The following MTUS2 variants were observed in gnomAD, a reference collection of about 807,000 sequenced individuals.
MTUS2 encodes microtubule-associated tumor suppressor candidate 2.
Under a neutral mutation model 114.1 loss-of-function variants are expected in MTUS2, and 40 were observed. That is an observed-to-expected ratio of 0.35 (90% CI 0.27 to 0.46). The LOEUF is 0.46. MTUS2 is among the 20% of genes least tolerant of loss of function. MTUS2 has a pLI of 1.00. For missense variants in MTUS2, 1,679 were observed against 1,705.4 expected, an observed-to-expected ratio of 0.98 and a Z score of 0.27; for synonymous variants, 688 against 672.0, an observed-to-expected ratio of 1.02 and a Z score of -0.37.
chr13:29,214,472 G>C (rs1381391842), intron 5 of MTUS2, among the ~76,000 whole-genome samples: 1 of 152,090 alleles, frequency 6.6e-6, no homozygotes, highest in Non-Finnish European at 1.5e-5. Flanking sequence ...TTTACATTTT[G>C]GTATATTTTT....
At chr13:29,302,790 C>T (rs1162202801) in intron 6 of MTUS2, among the ~76,000 whole-genome samples, 1 of 152,242 alleles carries the variant, frequency 6.6e-6, no homozygotes, top group South Asian at 2.1e-4. Flanking sequence ...CACACTTGCT[C>T]TACCAGACAG....
rs1359994013 is a variant in MTUS2 at position 29,376,206 on chromosome 13, T to A, written c.3117+16733T>A. Among the ~76,000 whole-genome samples, 6 of 152,140 alleles carry A rather than the reference T, an allele frequency of 3.9e-5. No individual in the cohort carries two copies. In the East Asian group the frequency reaches 7.7e-4, roughly 20 times the overall value. On this transcript the variant is annotated intron_variant, in intron 8 of 15. Transcript: ENST00000612955. ...TGAGTTCTTTAAAGTATATTCAAGG[T>A]TAAAAGCCAAAATTATAACATTGTC...
chr13:29,137,199 G>A (rs2138984375), intron 5 of MTUS2, among the ~76,000 whole-genome samples: 1 of 152,180 alleles, frequency 6.6e-6, no homozygotes, highest in South Asian at 2.1e-4. Flanking sequence ...GGCCTCCAAT[G>A]TTTCTGATGT....
At chr13:29,441,718 C>T (rs565093294) in intron 9 of MTUS2, among the ~76,000 whole-genome samples, 5 of 152,260 alleles carry the variant, frequency 3.3e-5, no homozygotes, top group African/African-American at 1.2e-4. Flanking sequence ...CCACCCTTCA[C>T]CCGTGGAGCC....
At position 29,237,017 on chromosome 13, in the gene MTUS2, A is replaced by T. The variant is rs570291111; in HGVS notation, c.2645-44687A>T. Among the ~76,000 whole-genome samples, 3 of 152,252 alleles carry T rather than the reference A, an allele frequency of 2.0e-5. No individual in the cohort carries two copies. The South Asian group carries it at 6.2e-4, about 32-fold the overall frequency. ...CTGTTTTCATCTGTACCCATTAAAT[A>T]TTTGTTATTTTCTGCAGTTGTGGTT... On this transcript the variant is annotated intron_variant, in intron 5 of 15. Transcript: ENST00000612955.
At chr13:29,277,681 G>A (rs1171643487) in intron 5 of MTUS2, among the ~76,000 whole-genome samples, 1 of 152,146 alleles carries the variant, frequency 6.6e-6, no homozygotes, top group Non-Finnish European at 1.5e-5. Context: ...ACATTTCCCA[G>A]CCTCCCTTGA....
At chr13:29,171,995 T>C (rs1893582044) in intron 5 of MTUS2, among the ~76,000 whole-genome samples, 1 of 152,240 alleles carries the variant, frequency 6.6e-6, no homozygotes. Flanking sequence ...GTCCTGTTTC[T>C]TCCAGGTGGC....
chr13:29,289,984 C>T (rs1898640220), intron 6 of MTUS2, among the ~76,000 whole-genome samples: 1 of 152,128 alleles, frequency 6.6e-6, no homozygotes, highest in South Asian at 2.1e-4. Flanking sequence ...ATTTCTTTTT[C>T]CCCTGAATTT....
At chr13:29,423,851 T>C (rs1460827295) in intron 8 of MTUS2, among the ~76,000 whole-genome samples, 1 of 151,880 alleles carries the variant, frequency 6.6e-6, no homozygotes, top group Non-Finnish European at 1.5e-5. Context: ...AGGGTGACTG[T>C]AGTTAACAGT....
chr13:28,887,502 C>T (rs1878662927), intron 2 of MTUS2, among the ~76,000 whole-genome samples: 1 of 152,192 alleles, frequency 6.6e-6, no homozygotes, highest in Non-Finnish European at 1.5e-5. Context: ...AATGGTCACA[C>T]ACACCACTGC....
At chr13:29,002,709 C>G (rs547804076) in intron 2 of MTUS2, among the ~76,000 whole-genome samples, 1 of 152,316 alleles carries the variant, frequency 6.6e-6, no homozygotes, top group South Asian at 2.1e-4. Flanking sequence ...GACCAATGTT[C>G]AAAATGATCA....
intron 6 of MTUS2, among the ~76,000 whole-genome samples, chr13:29,286,644 A>G (rs959608071): frequency 1.5e-5 from 2 of 133,150 alleles, no homozygotes; most frequent in African/African-American, 3.1e-5. Flanking sequence ...GCCATGCACT[A>G]TCTATCTGTC....
At chr13:29,388,579 T>C (rs754576019) in intron 8 of MTUS2, among the ~76,000 whole-genome samples, 1 of 152,024 alleles carries the variant, frequency 6.6e-6, no homozygotes, top group Non-Finnish European at 1.5e-5. Flanking sequence ...AAAGTTAACA[T>C]TGTTTATAAT....
intron 8 of MTUS2, among the ~76,000 whole-genome samples, chr13:29,389,480 CGTGTGTGTATGTGT>C (rs1873017975): frequency 8.6e-6 from 1 of 116,348 alleles, no homozygotes; most frequent in African/African-American, 3.4e-5. Flanking sequence ...TATGTATACA[CGTGTGTGTATGTGT>C]ATATATGTAT....
At chr13:29,288,640 A>C (rs1300131844) in intron 6 of MTUS2, among the ~76,000 whole-genome samples, 1 of 152,178 alleles carries the variant, frequency 6.6e-6, no homozygotes, top group Non-Finnish European at 1.5e-5. Context: ...GCCCTGCAGC[A>C]TGGGATGAGG....
chr13:28,841,643 G>A (rs993396379), intron 2 of MTUS2, among the ~76,000 whole-genome samples: 1 of 151,910 alleles, frequency 6.6e-6, no homozygotes, highest in Non-Finnish European at 1.5e-5. Context: ...CCTCTTTGTG[G>A]TGATGCAAAG....
chr13:29,398,701 G>C (rs1874100228), intron 8 of MTUS2, among the ~76,000 whole-genome samples: 1 of 152,008 alleles, frequency 6.6e-6, no homozygotes, highest in South Asian at 2.1e-4. Flanking sequence ...AGACCTCAAA[G>C]GTTTCCCACA....
intron 5 of MTUS2, among the ~76,000 whole-genome samples, chr13:29,222,826 G>C (rs1250522970): frequency 6.6e-6 from 1 of 152,232 alleles, no homozygotes; most frequent in Non-Finnish European, 1.5e-5. Flanking sequence ...CCTGGCATCT[G>C]CTCCAATTGC....
intron 8 of MTUS2, among the ~76,000 whole-genome samples, chr13:29,363,298 G>C (rs1432985427): frequency 6.6e-6 from 1 of 152,100 alleles, no homozygotes; most frequent in African/African-American, 2.4e-5. Context: ...CTTTTAATAA[G>C]ATTTATTATA....
Sources: allele counts gnomAD v4.1 joint callset (sites outside exome capture counted in the v4.1 genomes callset), GRCh38; gene constraint gnomAD v4.1.1; transcripts MANE v1.5; gene names NCBI Gene and HGNC (gene_info 2026-07-23, HGNC 2026-07-21).